ZMYM6: variants seen among roughly 807,000 people sequenced by gnomAD.
The protein encoded by ZMYM6 is zinc finger MYM-type protein 6.
Under a neutral mutation model 134.0 loss-of-function variants are expected in ZMYM6, and 90 were observed. The ratio of observed to expected loss-of-function variants is 0.67; its 90% CI spans 0.57 to 0.80. The LOEUF is 0.80. Ranked by LOEUF, ZMYM6 falls within the 30% of genes least tolerant of loss-of-function variation. ZMYM6 has a pLI of 0.00. For missense variants in ZMYM6, 1,362 were observed against 1,533.9 expected (o/e 0.89, Z 1.87); for synonymous variants, 481 against 524.1 (o/e 0.92, Z 1.12).
At chr1:35,000,508 G>C (rs1640861589) in intron 14 of ZMYM6, among the ~76,000 whole-genome samples, 1 of 151,972 alleles carries the variant, frequency 6.6e-6, no homozygotes, top group African/African-American at 2.4e-5. Flanking sequence ...CAAAGTGCTG[G>C]GATTACAGAC....
intron 14 of ZMYM6, among the ~76,000 whole-genome samples, chr1:35,002,884 A>G (rs890556890): frequency 6.6e-6 from 1 of 152,202 alleles, no homozygotes; most frequent in Non-Finnish European, 1.5e-5. Context: ...TTAGGACAGC[A>G]GCACAAGCTG....
At chr1:35,014,516 TA>T (rs780286383) in intron 6 of ZMYM6, among the ~76,000 whole-genome samples, 180 bp downstream of exon 6, 7 of 152,212 alleles carry the variant, frequency 4.6e-5, no homozygotes, top group Non-Finnish European at 1.0e-4. Flanking sequence ...CTATTTTACC[TA>T]TATCAACTTA....
chr1:35,026,758 C>T (rs1641421854), intron 2 of ZMYM6, among the ~76,000 whole-genome samples: 1 of 152,176 alleles, frequency 6.6e-6, no homozygotes, highest in East Asian at 1.9e-4. Flanking sequence ...GTCACTTATT[C>T]CTTCAGGTTC....
intron 8 of ZMYM6, 85 bp from the exon 9 acceptor site, chr1:35,011,121 CAA>C (rs1641076899): frequency 1.4e-6 from 2 of 1,381,452 alleles, no homozygotes; most frequent in Admixed American, 2.6e-5. Flanking sequence ...TTTAATAAAT[CAA>C]GTCTCCCACA....
Position 34,992,221 on chromosome 1 carries a change from C to T in ZMYM6, c.2146+13G>A, listed in dbSNP as rs1042831861. 6.2e-7 allele frequency: 1 copy of T among 1,613,828 alleles called. No homozygotes were observed. The highest frequency in any genetic ancestry group is 8.5e-7 in the Non-Finnish European group (1 of 1,179,832). The stretch of plus-strand genomic sequence containing the variant: ...AACAAGCTTTGTACATGGGAACGCA[C>T]AAGGATACATACCTGTCTGACATTC... On this transcript the variant is annotated intron_variant, in intron 15 of 15. Transcript: ENST00000357182.
At position 35,014,860 on chromosome 1, in the gene ZMYM6, A is replaced by C; in HGVS notation, c.632T>G (p.Val211Gly). 6.2e-7 allele frequency: 1 copy of C among 1,614,178 alleles called. No individual in the cohort carries two copies. The highest frequency in any genetic ancestry group is 8.5e-7 in the Non-Finnish European group (1 of 1,180,034). Residue 211 changes from valine (V) to glycine (G), a missense_variant, in exon 6 of 16, where the codon GTG becomes GGG. This residue lies in a region of ZMYM6 where 503 missense variants were observed against 520.8 expected (regional missense o/e 0.97). Transcript: ENST00000357182. ...GGCATCACTACAAAGACCATGTACCACATTTTGATATTTAACTTCAAATCG... is the reference window on the plus strand; with the variant it reads ...GGCATCACTACAAAGACCATGTACCCCATTTTGATATTTAACTTCAAATCG... Reference protein sequence around the residue: ...DTRFEVKYQNVVHGLCSDACF... With the variant: ...DTRFEVKYQNGVHGLCSDACF...
At chr1:35,008,662 A>C (rs1641029592) in intron 11 of ZMYM6, 90 bp downstream of exon 11, 2 of 1,451,148 alleles carry the variant, frequency 1.4e-6, no homozygotes, top group Non-Finnish European at 1.9e-6. Flanking sequence ...CTAAACACCA[A>C]ATTTTTCTTC....
chr1:35,024,040 T>C (rs1440280440), intron 2 of ZMYM6, among the ~76,000 whole-genome samples: 1 of 152,164 alleles, frequency 6.6e-6, no homozygotes, highest in African/African-American at 2.4e-5. Flanking sequence ...TAAACCTTCA[T>C]AGCTCACGAG....
rs777442047 is a variant in ZMYM6, at chr1:35,010,913, C to T, written c.1186G>A (p.Val396Ile). 8.1e-6 allele frequency: 13 copies of T among 1,612,918 alleles called. No homozygotes were observed. Among genetic ancestry groups the T allele is most frequent in the African/African-American group, 2.7e-5 (2 of 74,850 alleles). The change falls in exon 9 of 16, where the codon GTT becomes ATT. Residue 396 changes from valine (V) to isoleucine (I), a missense_variant. Physicochemically the swap from Val to Ile is conservative, Grantham distance 29. Transcript: ENST00000357182. ...VSIGGGNTSA[V>I]SPSSIRGSAA... ...GAGCCACGGATGGAGCTGGGGGAAACGGCAGAGGTGTTACCTCCTCCTATT... is the reference window on the plus strand; with the variant it reads ...GAGCCACGGATGGAGCTGGGGGAAATGGCAGAGGTGTTACCTCCTCCTATT...
intron 14 of ZMYM6, among the ~76,000 whole-genome samples, chr1:35,003,371 GTTTCT>G (rs1640913961): frequency 6.6e-6 from 1 of 152,048 alleles, no homozygotes; most frequent in South Asian, 2.1e-4. Flanking sequence ...TTTCTTGAAC[GTTTCT>G]TTTAATTTTG....
At chr1:35,009,605 C>A (rs1035933865) in intron 10 of ZMYM6, among the ~76,000 whole-genome samples, 2 of 152,128 alleles carry the variant, frequency 1.3e-5, no homozygotes, top group African/African-American at 2.4e-5. Flanking sequence ...ATCATTTTTA[C>A]AGTTTTTTAT....
intron 2 of ZMYM6, among the ~76,000 whole-genome samples, chr1:35,029,134 G>A (rs562819712): frequency 2.0e-5 from 3 of 152,262 alleles, no homozygotes; most frequent in African/African-American, 7.2e-5. Context: ...GAAAGTTGCA[G>A]TGAGCCACCA....
In ZMYM6 at chr1:34,986,997, T is replaced by C; in HGVS notation, c.*107A>G. On this transcript the variant is annotated 3_prime_UTR_variant, in exon 16 of 16. Transcript: ENST00000357182. ...CAAAAAGGGAAAAATTATTAAAACA[T>C]TTAATCACTGAAAACACAAATCCAC... The C allele has an allele frequency of 1.3e-6, 1 of 751,240 alleles. No homozygotes were observed. The allele number at this position is 751,240 out of a possible 1,614,324, so 46.5% of individuals were successfully genotyped here.
At chr1:35,013,135 A>C (rs1402936333) in intron 6 of ZMYM6, 1 of 848,774 alleles carries the variant, frequency 1.2e-6, no homozygotes, top group African/African-American at 1.8e-5. Flanking sequence ...CATAACCAAT[A>C]TTATAACTTA....
intron 15 of ZMYM6, among the ~76,000 whole-genome samples, chr1:34,990,632 T>C (rs981098798): frequency 6.6e-6 from 1 of 152,176 alleles, no homozygotes; most frequent in African/African-American, 2.4e-5. Flanking sequence ...AATATCTAAA[T>C]TTCCAATCTT....
intron 14 of ZMYM6, among the ~76,000 whole-genome samples, chr1:35,003,527 C>T (rs2148449087): frequency 6.6e-6 from 1 of 152,220 alleles, no homozygotes; most frequent in South Asian, 2.1e-4. Context: ...AAGGAAAATA[C>T]TTGAATATAG....
chr1:34,991,791 C>CAA (rs796578117), intron 15 of ZMYM6, among the ~76,000 whole-genome samples: 3 of 150,614 alleles, frequency 2.0e-5, no homozygotes, highest in Admixed American at 1.3e-4. Flanking sequence ...AACAAACAAA[C>CAA]AAAAAAAAAC....
rs1192182086 is a variant in ZMYM6 at position 35,008,739 on chromosome 1, T to C, written c.1665+13A>G. On this transcript the variant is annotated intron_variant, in intron 11 of 15. Transcript: ENST00000357182. ...ATTTCAGAAAGCCAAAAAAAGTATA[T>C]TATCACATTTACCTGATAAAACAGA... 2.5e-6 allele frequency: 4 copies of C among 1,602,660 alleles called. No individual in the cohort carries two copies. In the East Asian group the frequency reaches 8.9e-5, roughly 36 times the overall value.
chr1:34,988,699 C>G lies in ZMYM6; in HGVS notation c.2383G>C (p.Glu795Gln), dbSNP rs1422934888. Residue 795 changes from glutamate (E) to glutamine (Q), a missense_variant, in exon 16 of 16, where the codon GAA becomes CAA. Coordinates refer to ENST00000357182, the MANE Select transcript of ZMYM6 (RefSeq NM_007167.4). ...AAATCTACTGGTTTGTTTTCTAATT[C>G]TGAATGTTTTGTCTTCAAATGATGA... ...LSHHLKTKHSELENKPVDFFE... is the reference protein window; with the variant it reads ...LSHHLKTKHSQLENKPVDFFE... 1 of 1,550,714 alleles carries G rather than the reference C, an allele frequency of 6.4e-7. No individual in the cohort carries two copies. Among genetic ancestry groups the G allele is most frequent in the South Asian group, 1.2e-5 (1 of 83,674 alleles).
Sources: allele counts gnomAD v4.1 joint callset (sites outside exome capture counted in the v4.1 genomes callset), GRCh38; gene constraint gnomAD v4.1.1; regional missense constraint gnomAD v4.1.1; transcripts MANE v1.5; gene names NCBI Gene and HGNC (gene_info 2026-07-23, HGNC 2026-07-21).